The following HOMER1 variants were observed in gnomAD, a reference collection of about 807,000 sequenced individuals.
HOMER1 encodes the protein homer scaffold protein 1.
Under a neutral mutation model 48.9 loss-of-function variants are expected in HOMER1, and 3 were observed. That is an observed-to-expected ratio of 0.06 (90% CI 0.03 to 0.16). The LOEUF (loss-of-function observed/expected upper bound fraction) is 0.16, where lower values mean the gene tolerates loss of function less well. HOMER1 is among the 10% of genes least tolerant of loss of function. The pLI, the probability that HOMER1 is intolerant of heterozygous loss-of-function variation, is 1.00. For missense variants in HOMER1, 247 were observed against 411.4 expected, an observed-to-expected ratio of 0.60 and a Z score of 3.46; for synonymous variants, 134 against 146.4, an observed-to-expected ratio of 0.92 and a Z score of 0.61.
At chr5:79,466,428 G>A (rs546753151) in intron 1 of HOMER1, among the ~76,000 whole-genome samples, 145 of 152,034 alleles carry the variant, frequency 9.5e-4, no homozygotes, top group African/African-American at 3.4e-3. Context: ...AGCCAGGTAA[G>A]TCAAGGCTGC....
At chr5:79,482,200 C>T (rs1363867458) in intron 1 of HOMER1, among the ~76,000 whole-genome samples, 12 of 152,026 alleles carry the variant, frequency 7.9e-5, no homozygotes, top group Admixed American at 2.0e-4. Flanking sequence ...GCCTGGGCAA[C>T]AAGAGTGACA....
chr5:79,438,112 G>A (rs1278814571), intron 5 of HOMER1, among the ~76,000 whole-genome samples: 1 of 152,200 alleles, frequency 6.6e-6, no homozygotes, highest in South Asian at 2.1e-4. Flanking sequence ...TCATGAGAAA[G>A]AGGGTTGAAG....
At chr5:79,465,497 T>G (rs973469071) in intron 1 of HOMER1, among the ~76,000 whole-genome samples, 1 of 150,574 alleles carries the variant, frequency 6.6e-6, no homozygotes, top group Non-Finnish European at 1.5e-5. Flanking sequence ...GAAGAAAATA[T>G]CAAATCTAAA....
At chr5:79,491,752 G>A (rs1011318336) in intron 1 of HOMER1, among the ~76,000 whole-genome samples, 1 of 152,132 alleles carries the variant, frequency 6.6e-6, no homozygotes, top group Admixed American at 6.5e-5. Flanking sequence ...AAAACCCATA[G>A]TAACAATAGC....
intron 1 of HOMER1, among the ~76,000 whole-genome samples, chr5:79,462,081 C>T (rs1751332472): frequency 2.6e-5 from 4 of 152,012 alleles, no homozygotes. Context: ...TGCCTATAAT[C>T]CCAGCTACTC....
intron 1 of HOMER1, among the ~76,000 whole-genome samples, chr5:79,466,769 AT>A (rs150369607): frequency 0.063 from 9,601 of 151,800 alleles, 768 homozygotes; most frequent in East Asian, 0.19. Context: ...AATCTAAGTG[AT>A]TTCCCAATAG....
chr5:79,465,567 T>C (rs1751434363), intron 1 of HOMER1, among the ~76,000 whole-genome samples: 1 of 149,614 alleles, frequency 6.7e-6, no homozygotes, highest in African/African-American at 2.5e-5. Context: ...AGAGTAACAG[T>C]ACTGTTTACA....
chr5:79,422,216 G>C (rs149802829), intron 5 of HOMER1, among the ~76,000 whole-genome samples: 2 of 150,678 alleles, frequency 1.3e-5, no homozygotes, highest in East Asian at 3.9e-4. Flanking sequence ...GACAGAGGGA[G>C]GCTCCATCTC....
chr5:79,512,933 T>C lies in HOMER1; in HGVS notation c.-159A>G. ...AGGATGCTGCCAATTCAATTAGTTCTCTTAGGTAAAATGATTTCTCTCTTG... is the reference window on the plus strand; with the variant it reads ...AGGATGCTGCCAATTCAATTAGTTCCCTTAGGTAAAATGATTTCTCTCTTG... On this transcript the variant is annotated 5_prime_UTR_variant, in exon 1 of 9. Coordinates refer to ENST00000334082, the MANE Select transcript of HOMER1 (RefSeq NM_004272.5). 1.5e-6 allele frequency: 1 copy of C among 655,214 alleles called. No homozygotes were observed. Among genetic ancestry groups the C allele is most frequent in the Non-Finnish European group, 2.7e-6 (1 of 367,854 alleles). The allele number at this position is 655,214 out of a possible 1,614,324, so 40.6% of individuals were successfully genotyped here.
intron 8 of HOMER1, among the ~76,000 whole-genome samples, chr5:79,382,946 T>G (rs1225085869): frequency 1.3e-5 from 2 of 152,190 alleles, no homozygotes; most frequent in East Asian, 3.9e-4. Context: ...ACTGGCTGAA[T>G]GGATTACAGT....
At chr5:79,493,398 A>G (rs1391238139) in intron 1 of HOMER1, among the ~76,000 whole-genome samples, 1 of 152,082 alleles carries the variant, frequency 6.6e-6, no homozygotes, top group African/African-American at 2.4e-5. Flanking sequence ...TTATATCCCT[A>G]CACTTAGCAG....
At position 79,374,585 on chromosome 5, in the gene HOMER1, GT is replaced by G. The variant is rs1748712223; in HGVS notation, c.*1423del. ...TCAGTGCATTTATAGACTCCATAGA[GT>G]CAGTTACTCAAGCATACACTTTAAA... On this transcript the variant is annotated 3_prime_UTR_variant, in exon 9 of 9. Coordinates refer to ENST00000334082, the MANE Select transcript of HOMER1 (RefSeq NM_004272.5). 1 of 151,890 alleles carries G rather than the reference GT, an allele frequency of 6.6e-6. No homozygotes were observed. Among genetic ancestry groups the G allele is most frequent in the Admixed American group, 6.6e-5 (1 of 15,244 alleles). 9.4% of individuals were successfully genotyped at this position (151,890 alleles called of 1,614,324 possible). A position where few individuals can be genotyped will look rare whatever the true frequency, so the allele number is the denominator to read the frequency against.
chr5:79,448,115 T>G (rs1415378097), intron 3 of HOMER1, among the ~76,000 whole-genome samples: 1 of 152,168 alleles, frequency 6.6e-6, no homozygotes, highest in Non-Finnish European at 1.5e-5. Context: ...TATCACAACT[T>G]TTCCTTCTTA....
At chr5:79,454,906 C>T (rs912500531) in intron 2 of HOMER1, among the ~76,000 whole-genome samples, 3 of 152,118 alleles carry the variant, frequency 2.0e-5, no homozygotes, top group Non-Finnish European at 4.4e-5. Flanking sequence ...CACAACAACC[C>T]TATGGTGGAA....
At chr5:79,500,052 T>C (rs1752533061) in intron 1 of HOMER1, among the ~76,000 whole-genome samples, 1 of 152,108 alleles carries the variant, frequency 6.6e-6, no homozygotes, top group Non-Finnish European at 1.5e-5. Flanking sequence ...CAGATTGAGG[T>C]CTGCAGCTGT....
chr5:79,472,455 T>C (rs1187256044), intron 1 of HOMER1, among the ~76,000 whole-genome samples: 5 of 152,182 alleles, frequency 3.3e-5, no homozygotes, highest in Admixed American at 1.3e-4. Context: ...TTACATTTTT[T>C]AACAAAGTAA....
intron 1 of HOMER1, among the ~76,000 whole-genome samples, chr5:79,502,299 T>G (rs891332493): frequency 2.0e-5 from 3 of 152,090 alleles, no homozygotes; most frequent in African/African-American, 2.4e-5. Flanking sequence ...ATTACAGACG[T>G]GAGCCACCGC....
At chr5:79,450,882 T>A (rs1204746166) in intron 3 of HOMER1, 108 bp downstream of exon 3, 1 of 1,090,070 alleles carries the variant, frequency 9.2e-7, no homozygotes, top group Non-Finnish European at 1.3e-6. Context: ...GTTTCGAGAA[T>A]ATTAAATAAA....
At chr5:79,431,075 A>T (rs1260494142) in intron 5 of HOMER1, among the ~76,000 whole-genome samples, 1 of 152,218 alleles carries the variant, frequency 6.6e-6, no homozygotes, top group Non-Finnish European at 1.5e-5. Flanking sequence ...TCACACCTGT[A>T]ATCCCAGCAC....
Sources: allele counts gnomAD v4.1 joint callset (sites outside exome capture counted in the v4.1 genomes callset), GRCh38; gene constraint gnomAD v4.1.1; transcripts MANE v1.5; gene names NCBI Gene and HGNC (gene_info 2026-07-23, HGNC 2026-07-21).